The following KIAA0232 variants were observed in gnomAD, a reference collection of about 807,000 sequenced individuals.
The protein encoded by KIAA0232 is KIAA0232.
A neutral mutation model predicts 122.0 loss-of-function variants in KIAA0232; 27 were observed. The observed-to-expected ratio is 0.22, with a 90% CI of 0.16 to 0.31. KIAA0232 has a LOEUF of 0.31. KIAA0232 is among the 10% of genes least tolerant of loss of function. The pLI is 1.00. For missense variants in KIAA0232, 1,551 were observed against 1,634.2 expected, an observed-to-expected ratio of 0.95 and a Z score of 0.88; for synonymous variants, 613 against 587.6, an observed-to-expected ratio of 1.04 and a Z score of -0.63.
intron 9 of KIAA0232, among the ~76,000 whole-genome samples, chr4:6,878,201 C>T (rs1365250874): frequency 6.6e-6 from 1 of 152,104 alleles, no homozygotes; most frequent in Non-Finnish European, 1.5e-5. Flanking sequence ...ATGGCGAAAC[C>T]CCATCTCTAC....
chr4:6,795,252 T>G (rs1717078309), intron 1 of KIAA0232, among the ~76,000 whole-genome samples: 1 of 152,068 alleles, frequency 6.6e-6, no homozygotes, highest in Admixed American at 6.6e-5. Context: ...TTTGTATTTT[T>G]TAGTAGAGAC....
chr4:6,878,236 G>C (rs941691736), intron 9 of KIAA0232, among the ~76,000 whole-genome samples: 18 of 152,080 alleles, frequency 1.2e-4, no homozygotes, highest in African/African-American at 4.3e-4. Context: ...TTAGCCGGGC[G>C]TGATGGTGCA....
At chr4:6,872,189 A>C (rs1721530351) in intron 8 of KIAA0232, among the ~76,000 whole-genome samples, 1 of 152,220 alleles carries the variant, frequency 6.6e-6, no homozygotes, top group African/African-American at 2.4e-5. Flanking sequence ...TCAAGGTCAG[A>C]TGTTGTTTAG....
intron 1 of KIAA0232, among the ~76,000 whole-genome samples, chr4:6,788,364 A>G (rs573838885): frequency 6.6e-6 from 1 of 152,122 alleles, no homozygotes; most frequent in Admixed American, 6.6e-5. Context: ...ACCTCTGGCC[A>G]CTTCCGTTAT....
At chr4:6,784,735 T>G (rs1716539042) in intron 1 of KIAA0232, among the ~76,000 whole-genome samples, 1 of 152,210 alleles carries the variant, frequency 6.6e-6, no homozygotes, top group Non-Finnish European at 1.5e-5. Context: ...GTTACATCAG[T>G]GAAATGCCAG....
At chr4:6,826,530 G>T (rs1486986897) in intron 3 of KIAA0232, among the ~76,000 whole-genome samples, 1 of 148,604 alleles carries the variant, frequency 6.7e-6, no homozygotes, top group South Asian at 2.1e-4. Flanking sequence ...TTGGAGACAG[G>T]GTCTTGCTCT....
intron 2 of KIAA0232, among the ~76,000 whole-genome samples, chr4:6,810,895 CA>C: frequency 6.6e-6 from 1 of 152,248 alleles, no homozygotes; most frequent in Admixed American, 6.5e-5. Context: ...CATCTTACCC[CA>C]GTCAGAATGG....
chr4:6,824,521 G>T lies in KIAA0232; in HGVS notation c.68G>T (p.Gly23Val). The T allele has an allele frequency of 6.2e-7, 1 of 1,614,126 alleles. No individual in the cohort carries two copies. Residue 23 changes from glycine (G) to valine (V), a missense_variant, in exon 3 of 10, where the codon GGC becomes GTC. Around this residue, in one of 5 missense-constraint regions of KIAA0232, gnomAD observed 37 missense variants for 28.5 expected, o/e 1.30. Transcript: ENST00000307659. ...PSESSSSSYP[G>V]PVSVSEMSLL... The stretch of plus-strand genomic sequence containing the variant: ...GAAAGCTCCTCAAGTTCTTATCCAG[G>T]CCCTGTGTCTGTTTCTGAAATGTCT...
At position 6,824,400 on chromosome 4, in the gene KIAA0232, A is replaced by C; in HGVS notation, c.-54A>C. 2.2e-6 allele frequency: 3 copies of C among 1,390,936 alleles called. No individual in the cohort carries two copies. The highest frequency in any genetic ancestry group is 3.1e-6 in the Non-Finnish European group (3 of 976,552). 86.2% of individuals were successfully genotyped at this position (1,390,936 alleles called of 1,614,324 possible). On this transcript the variant is annotated 5_prime_UTR_variant, in exon 3 of 10. Coordinates refer to ENST00000307659, the MANE Select transcript of KIAA0232 (RefSeq NM_014743.3). ...GAAAATCCCCTCCAGATACCAACAG[A>C]ATATCAACTGCAGAAAATGCTTCAC...
chr4:6,803,606 A>G (rs1717485464), intron 1 of KIAA0232, among the ~76,000 whole-genome samples: 1 of 152,214 alleles, frequency 6.6e-6, no homozygotes, highest in South Asian at 2.1e-4. Flanking sequence ...TCACTTAAAG[A>G]GAATACTTTT....
intron 3 of KIAA0232, among the ~76,000 whole-genome samples, chr4:6,837,911 GA>G (rs1395675904): frequency 8.7e-6 from 1 of 114,318 alleles, no homozygotes; most frequent in East Asian, 2.2e-4. Context: ...GTGCAAAGGG[GA>G]GAGGGGGAGG....
chr4:6,811,673 G>A (rs1345947874), intron 2 of KIAA0232, among the ~76,000 whole-genome samples: 1 of 151,540 alleles, frequency 6.6e-6, no homozygotes, highest in African/African-American at 2.4e-5. Flanking sequence ...TTGAACTCCT[G>A]AGTTCAAACA....
rs1415202038 is a variant in KIAA0232, at chr4:6,861,550, A to G, written c.1168A>G (p.Asn390Asp). ...STEGKDLYME[N>D]RKDTEYKEEP... ...TGAAGGAAAAGACCTGTACATGGAG[A>G]ATAGAAAGGACACAGAGTATAAAGA... Residue 390 changes from asparagine to aspartate, a missense_variant, in exon 7 of 10, where the codon AAT becomes GAT. By Grantham distance (23) the Asn-to-Asp change is conservative. This residue lies in a region of KIAA0232 where 377 missense variants were observed against 381.7 expected (regional missense o/e 0.99). Transcript: ENST00000307659. The G allele has an allele frequency of 6.2e-7, 1 of 1,614,116 alleles. No homozygotes were observed. The highest frequency in any genetic ancestry group is 8.5e-7 in the Non-Finnish European group (1 of 1,180,024).
rs933618580 is a variant in KIAA0232, at chr4:6,855,845, G to T, written c.370-1319G>T. On this transcript the variant is annotated intron_variant, in intron 4 of 9. Transcript: ENST00000307659. The surrounding 1 kb of genome is among the most constrained non-coding windows in gnomAD (Gnocchi z 4.3). ...CAGCTGACACTGGTGTTGGTTTCAC[G>T]ATCCGAAGGAAATGGAATATAATTG... is the stretch of plus-strand genomic sequence containing the variant. The T allele has an allele frequency of 4.1e-6, 4 of 985,250 alleles. No homozygotes were observed. Among genetic ancestry groups the T allele is most frequent in the Non-Finnish European group, 4.8e-6 (4 of 829,904 alleles). 61.0% of individuals were successfully genotyped at this position (985,250 alleles called of 1,614,324 possible). A position where few individuals can be genotyped will look rare whatever the true frequency, so the allele number is the denominator to read the frequency against.
intron 4 of KIAA0232, among the ~76,000 whole-genome samples, chr4:6,843,256 A>G (rs1344533245): frequency 5.3e-5 from 8 of 152,234 alleles, no homozygotes; most frequent in Admixed American, 1.3e-4. Context: ...TTGAGAAGGT[A>G]TGGTTTAAGT....
chr4:6,848,166 A>G (rs1173159555), intron 4 of KIAA0232, among the ~76,000 whole-genome samples: 1 of 152,228 alleles, frequency 6.6e-6, no homozygotes, highest in Non-Finnish European at 1.5e-5. Context: ...TCACTTGCTT[A>G]TATTCTCACA....
At chr4:6,794,111 A>G (rs868844000) in intron 1 of KIAA0232, among the ~76,000 whole-genome samples, 1 of 152,320 alleles carries the variant, frequency 6.6e-6, no homozygotes, top group Middle Eastern at 3.4e-3. Context: ...AGTATGTAGG[A>G]AGAGCCTTTT....
At chr4:6,850,778 C>T (rs1447091143) in intron 4 of KIAA0232, among the ~76,000 whole-genome samples, 1 of 151,784 alleles carries the variant, frequency 6.6e-6, no homozygotes, top group African/African-American at 2.4e-5. Flanking sequence ...TCAAGCGATT[C>T]TCTGCCTCAG....
chr4:6,839,494 G>A (rs1463011391), intron 3 of KIAA0232, among the ~76,000 whole-genome samples: 1 of 152,172 alleles, frequency 6.6e-6, no homozygotes, highest in Non-Finnish European at 1.5e-5. Flanking sequence ...AAATGTGAAT[G>A]CATCAATACA....
Sources: gnomAD v4.1 joint callset for allele counts (sites outside exome capture counted in the v4.1 genomes callset) on GRCh38, gnomAD v4.1.1 for gene constraint, gnomAD v4.1.1 regional missense constraint, Gnocchi (gnomAD v3.1) non-coding constraint, MANE v1.5 for transcripts, NCBI Gene and HGNC (gene_info 2026-07-23, HGNC 2026-07-21) for gene names.